DLGAP2: variants seen among roughly 807,000 people sequenced by gnomAD.
DLGAP2 encodes disks large-associated protein 2.
DLGAP2 carries 26 observed loss-of-function variants against 100.3 expected under a neutral mutation model. That is an observed-to-expected ratio of 0.26 (90% CI 0.19 to 0.36). DLGAP2 has a LOEUF of 0.36. DLGAP2 is among the 10% of genes least tolerant of loss of function. DLGAP2 has a pLI of 1.00. For synonymous variants in DLGAP2, 886 were observed against 630.1 expected (o/e 1.41, Z -6.08); for missense variants, 1,858 against 1,453.2 (o/e 1.28, Z -4.53).
chr8:1,582,685 G>A (rs1227505729), intron 6 of DLGAP2, among the ~76,000 whole-genome samples: 6 of 152,130 alleles, frequency 3.9e-5, no homozygotes, highest in African/African-American at 1.4e-4. Context: ...TTTCTCCTGG[G>A]TTCAAACGAT....
At chr8:1,192,557 C>G (rs960073044) in intron 2 of DLGAP2, among the ~76,000 whole-genome samples, 5 of 152,040 alleles carry the variant, frequency 3.3e-5, no homozygotes, top group Non-Finnish European at 7.4e-5. Context: ...TCTCTCAAGT[C>G]TGTCCCCAGC....
chr8:1,497,306 G>A (rs1383884959), intron 3 of DLGAP2, among the ~76,000 whole-genome samples: 1 of 152,216 alleles, frequency 6.6e-6, no homozygotes, highest in Non-Finnish European at 1.5e-5. Context: ...ACATGGGATG[G>A]GATAGCGTCC....
chr8:1,462,675 G>C (rs1482149956), intron 3 of DLGAP2, among the ~76,000 whole-genome samples: 1 of 152,156 alleles, frequency 6.6e-6, no homozygotes, highest in East Asian at 1.9e-4. Context: ...CCAGGACTCA[G>C]GCTGCCAGCG....
intron 1 of DLGAP2, among the ~76,000 whole-genome samples, chr8:801,794 C>A (rs573785757): frequency 6.6e-6 from 1 of 152,192 alleles, no homozygotes; most frequent in Non-Finnish European, 1.5e-5. Context: ...GGGGTTCACA[C>A]AGATGGTCCC....
At chr8:1,089,118 T>C (rs1266829580) in intron 2 of DLGAP2, among the ~76,000 whole-genome samples, 3 of 139,696 alleles carry the variant, frequency 2.1e-5, no homozygotes, top group Non-Finnish European at 4.6e-5. Flanking sequence ...CCGGCCTCAC[T>C]CTCTCCACCC....
At chr8:887,251 G>T (rs1253022568) in intron 1 of DLGAP2, among the ~76,000 whole-genome samples, 3 of 148,618 alleles carry the variant, frequency 2.0e-5, no homozygotes, top group Admixed American at 6.7e-5. Context: ...CCTTTATTTT[G>T]AGCCTACATG....
At chr8:1,085,056 T>G (rs183735198) in intron 2 of DLGAP2, among the ~76,000 whole-genome samples, 2 of 152,346 alleles carry the variant, frequency 1.3e-5, no homozygotes, top group East Asian at 3.9e-4. Context: ...TAATAGCCAT[T>G]CGAACAAGTG....
intron 12 of DLGAP2, among the ~76,000 whole-genome samples, chr8:1,681,476 A>C (rs554769222): frequency 1.1e-3 from 162 of 151,962 alleles, no homozygotes; most frequent in Middle Eastern, 6.8e-3. Context: ...CTACCAAAAA[A>C]AATAATAATA....
intron 1 of DLGAP2, among the ~76,000 whole-genome samples, chr8:837,834 A>G (rs889076935): frequency 2.7e-5 from 4 of 149,518 alleles, no homozygotes; most frequent in Non-Finnish European, 4.4e-5. Context: ...CTCCTGCCTC[A>G]TCCTCCTGAG....
intron 7 of DLGAP2, among the ~76,000 whole-genome samples, chr8:1,629,586 T>C (rs569303166): frequency 8.3e-4 from 127 of 152,360 alleles, no homozygotes; most frequent in Non-Finnish European, 1.5e-3. Context: ...TGATACATTT[T>C]AACAACTTGC....
chr8:1,008,018 G>A (rs962010979), intron 2 of DLGAP2, among the ~76,000 whole-genome samples: 2 of 152,174 alleles, frequency 1.3e-5, no homozygotes, highest in African/African-American at 2.4e-5. Context: ...GGCCCTGAAT[G>A]TGCACCTTCA....
chr8:1,029,459 A>G lies in DLGAP2; in HGVS notation c.73+121493A>G, dbSNP rs182146805. Among the ~76,000 whole-genome samples the G allele has an allele frequency of 8.4e-4, 128 of 152,330 alleles. 1 individual carries two copies. Among genetic ancestry groups the G allele is most frequent in the African/African-American group, 2.9e-3 (119 of 41,576 alleles). ...GGAAGAGGTTCTGGTGGGATGGCCA[A>G]CGGCATCCAGCAGTGCTGAGAGGTT... On this transcript the variant is annotated intron_variant, in intron 2 of 14. Coordinates refer to ENST00000637795, the MANE Select transcript of DLGAP2 (RefSeq NM_001346810.2).
intron 1 of DLGAP2, among the ~76,000 whole-genome samples, chr8:859,375 G>A (rs1159070983): frequency 1.3e-5 from 2 of 152,180 alleles, no homozygotes; most frequent in Admixed American, 6.5e-5. Context: ...GCCTCCCAAA[G>A]GGCTGGGATT....
At chr8:819,294 T>C (rs1428125177) in intron 1 of DLGAP2, among the ~76,000 whole-genome samples, 4 of 152,220 alleles carry the variant, frequency 2.6e-5, no homozygotes, top group African/African-American at 7.2e-5. Context: ...TCAATAGATA[T>C]CGTAGGACCT....
At chr8:945,565 T>C (rs1799297082) in intron 2 of DLGAP2, among the ~76,000 whole-genome samples, 1 of 152,160 alleles carries the variant, frequency 6.6e-6, no homozygotes, top group South Asian at 2.1e-4. Flanking sequence ...CTCTTCTTAC[T>C]CAGCCCGGAG....
At chr8:1,323,236 C>A (rs1006900651) in intron 3 of DLGAP2, among the ~76,000 whole-genome samples, 5 of 152,044 alleles carry the variant, frequency 3.3e-5, no homozygotes, top group African/African-American at 1.2e-4. Flanking sequence ...CATTGTGTTG[C>A]CCAGGCTGGT....
At chr8:974,124 T>G (rs1800102450) in intron 2 of DLGAP2, among the ~76,000 whole-genome samples, 1 of 152,084 alleles carries the variant, frequency 6.6e-6, no homozygotes, top group South Asian at 2.1e-4. Context: ...TTGATGAGAA[T>G]TTTTCGGAAC....
intron 3 of DLGAP2, among the ~76,000 whole-genome samples, chr8:1,345,609 A>G (rs1374176277): frequency 6.6e-6 from 1 of 152,236 alleles, no homozygotes; most frequent in Non-Finnish European, 1.5e-5. Context: ...ATAGTCCTTC[A>G]TGTGTGTTAA....
chr8:767,291 A>G (rs190912844), intron 1 of DLGAP2, among the ~76,000 whole-genome samples: 18 of 151,112 alleles, frequency 1.2e-4, no homozygotes, highest in African/African-American at 4.1e-4. Flanking sequence ...GAAGTCAAGC[A>G]GTTCAAGGAT....
Sources: gnomAD v4.1 joint callset for allele counts (sites outside exome capture counted in the v4.1 genomes callset) on GRCh38, gnomAD v4.1.1 for gene constraint, MANE v1.5 for transcripts, NCBI Gene and HGNC (gene_info 2026-07-23, HGNC 2026-07-21) for gene names.